Variants in CDH13 observed in about 807,000 individuals in gnomAD.
The protein encoded by CDH13 is cadherin 13, also known as cadherin-13.
In CDH13, 24 loss-of-function variants were observed where a neutral mutation model predicts 63.8. The ratio of observed to expected loss-of-function variants is 0.38; its 90% confidence interval spans 0.27 to 0.53. The LOEUF is 0.53. Among genes scored for constraint, CDH13 ranks in the 20% least tolerant of loss-of-function variants. The probability of loss-of-function intolerance (pLI) is 0.85; values close to 1 mark genes in which losing one functional copy is unlikely to be tolerated. For missense variants in CDH13, 1,049 were observed against 903.1 expected, an observed-to-expected ratio of 1.16 and a Z score of -2.07; for synonymous variants, 503 against 355.3, an observed-to-expected ratio of 1.42 and a Z score of -4.67.
intron 5 of CDH13, among the ~76,000 whole-genome samples, chr16:83,290,770 T>C (rs1008518100): frequency 6.6e-6 from 1 of 152,186 alleles, no homozygotes; most frequent in African/African-American, 2.4e-5. Context: ...TCGTTGTGAC[T>C]GTCCACTGTC....
Position 83,532,357 on chromosome 16 carries a change from C to T in CDH13, c.960+45702C>T, listed in dbSNP as rs201982737. 5.9e-5 allele frequency among the ~76,000 whole-genome samples: 9 copies of T among 152,342 alleles called. No individual in the cohort carries two copies. The East Asian group carries it at 1.5e-3, about 26-fold the overall frequency. On this transcript the variant is annotated intron_variant, in intron 7 of 13. Coordinates refer to ENST00000567109, the MANE Select transcript of CDH13 (RefSeq NM_001257.5). ...AGAGTTCCCATTGCACCTTGAAATT[C>T]ATTTTCAAAGCATTCATTGCACTTG...
At chr16:82,911,542 C>G (rs1159672574) in intron 2 of CDH13, among the ~76,000 whole-genome samples, 1 of 152,150 alleles carries the variant, frequency 6.6e-6, no homozygotes, top group Non-Finnish European at 1.5e-5. Flanking sequence ...AACTCTGTGT[C>G]TCCATCTGTA....
chr16:83,479,349 G>C (rs1407035185), intron 6 of CDH13, among the ~76,000 whole-genome samples: 1 of 152,174 alleles, frequency 6.6e-6, no homozygotes, highest in Non-Finnish European at 1.5e-5. Flanking sequence ...GTTCTAAATT[G>C]TGAGAGTCAA....
chr16:83,579,818 T>C lies in CDH13; in HGVS notation c.961-22636T>C, dbSNP rs373876179. 2.2e-4 allele frequency among the ~76,000 whole-genome samples: 33 copies of C among 151,734 alleles called. No individual in the cohort carries two copies. In the South Asian group the frequency reaches 6.1e-3, roughly 28 times the overall value. ...ATATTATGTTAAATGTAGGCATGGG[T>C]ATAACACAGTGTGGGGGCAGAAAAC... On this transcript the variant is annotated intron_variant, in intron 7 of 13. Transcript: ENST00000567109.
intron 5 of CDH13, among the ~76,000 whole-genome samples, chr16:83,299,469 C>A (rs1039396334): frequency 4.6e-5 from 7 of 152,282 alleles, no homozygotes; most frequent in African/African-American, 1.7e-4. Flanking sequence ...CCATTCTTCC[C>A]CCAAGTCTCC....
chr16:83,276,548 C>T (rs1474088285), intron 5 of CDH13, among the ~76,000 whole-genome samples: 1 of 152,098 alleles, frequency 6.6e-6, no homozygotes, highest in African/African-American at 2.4e-5. Flanking sequence ...GCTGGGGAGG[C>T]CTCACAGTCA....
chr16:82,886,094 A>G (rs1164531496), intron 2 of CDH13, among the ~76,000 whole-genome samples: 2 of 152,214 alleles, frequency 1.3e-5, no homozygotes, highest in Admixed American at 6.5e-5. Context: ...ACTGATATCC[A>G]TCTGTTTCAT....
At chr16:83,561,176 G>C (rs1465185215) in intron 7 of CDH13, among the ~76,000 whole-genome samples, 1 of 152,064 alleles carries the variant, frequency 6.6e-6, no homozygotes, top group East Asian at 1.9e-4. Context: ...GCCGGGCGCA[G>C]TGGCTCACAC....
At chr16:82,877,938 CACACACACACACACACACACACATAT>C (rs1357821500) in intron 2 of CDH13, among the ~76,000 whole-genome samples, 10 of 137,202 alleles carry the variant, frequency 7.3e-5, no homozygotes, top group African/African-American at 1.3e-4. Context: ...CACACACACA[CACACACACACACACACACACACATAT>C]ACACACACAC....
At chr16:82,872,937 A>G (rs4513093) in intron 2 of CDH13, among the ~76,000 whole-genome samples, 134,985 of 152,202 alleles carry the variant, frequency 0.89, 60,108 homozygotes, top group African/African-American at 0.97. Context: ...TGATGATATC[A>G]GAGAGAGAAA....
intron 7 of CDH13, among the ~76,000 whole-genome samples, chr16:83,564,567 C>G (rs1388985447): frequency 6.6e-6 from 1 of 152,090 alleles, no homozygotes. Flanking sequence ...TGCCACCACA[C>G]CCAGCTAATT....
At chr16:82,786,615 C>A (rs796191343) in intron 1 of CDH13, among the ~76,000 whole-genome samples, 9 of 151,388 alleles carry the variant, frequency 5.9e-5, no homozygotes, top group Non-Finnish European at 1.2e-4. Context: ...GTTACCTCAT[C>A]ATTTACATTA....
intron 2 of CDH13, among the ~76,000 whole-genome samples, chr16:82,942,518 G>T (rs1389331811): frequency 1.3e-5 from 2 of 152,174 alleles, no homozygotes; most frequent in Admixed American, 6.5e-5. Flanking sequence ...GTCAGAGTTG[G>T]CTTTCTGAGC....
rs768134029 is a variant in CDH13 at position 83,678,477 on chromosome 16, C to G, written c.1538+16C>G. 6.2e-7 allele frequency: 1 copy of G among 1,613,348 alleles called. No homozygotes were observed. The highest frequency in any genetic ancestry group is 2.2e-5 in the East Asian group (1 of 44,866). ...AAACCATCAGGTGGGTGAGTGGCTCCGGAACCACAGACGGGAGGTGGGCAG... is the reference window on the plus strand; with the variant it reads ...AAACCATCAGGTGGGTGAGTGGCTCGGGAACCACAGACGGGAGGTGGGCAG... On this transcript the variant is annotated intron_variant, in intron 10 of 13. Transcript: ENST00000567109.
intron 8 of CDH13, 145 bp from the exon 9 acceptor site, chr16:83,670,645 A>G: frequency 2.6e-6 from 2 of 755,150 alleles, no homozygotes; most frequent in South Asian, 1.8e-5. Flanking sequence ...TGAGAAGAAG[A>G]GCATAGTATC....
At chr16:83,547,543 A>G (rs2075407998) in intron 7 of CDH13, among the ~76,000 whole-genome samples, 1 of 152,164 alleles carries the variant, frequency 6.6e-6, no homozygotes, top group Admixed American at 6.5e-5. Context: ...ATAAGCGAGT[A>G]CATGCAGTAT....
chr16:82,664,850 G>A (rs2150932239), intron 1 of CDH13, among the ~76,000 whole-genome samples: 1 of 152,262 alleles, frequency 6.6e-6, no homozygotes, highest in East Asian at 1.9e-4. Flanking sequence ...TTGGTTAAAA[G>A]CATTTTGTAC....
chr16:82,691,054 G>C (rs1915595800), intron 1 of CDH13, among the ~76,000 whole-genome samples: 1 of 152,214 alleles, frequency 6.6e-6, no homozygotes, highest in African/African-American at 2.4e-5. Flanking sequence ...CTAGATTTTG[G>C]ATTCATTTAC....
chr16:83,582,028 G>A (rs1598326237), intron 7 of CDH13, among the ~76,000 whole-genome samples: 1 of 152,244 alleles, frequency 6.6e-6, no homozygotes, highest in East Asian at 1.9e-4. Context: ...CTGGTCCTGG[G>A]TGGGTGAATG....
Sources: allele counts gnomAD v4.1 joint callset (sites outside exome capture counted in the v4.1 genomes callset), GRCh38; gene constraint gnomAD v4.1.1; transcripts MANE v1.5; gene names NCBI Gene and HGNC (gene_info 2026-07-23, HGNC 2026-07-21).